The following CDH6 variants were observed in gnomAD, a reference collection of about 807,000 sequenced individuals.
CDH6 encodes the protein cadherin-6.
Under a neutral mutation model 78.0 loss-of-function variants are expected in CDH6, and 31 were observed. The ratio of observed to expected loss-of-function variants is 0.40; its 90% confidence interval spans 0.30 to 0.54. CDH6 has a LOEUF of 0.54. Ranked by LOEUF, CDH6 falls within the 20% of genes least tolerant of loss-of-function variation. The probability of loss-of-function intolerance (pLI) is 0.56; values close to 1 mark genes in which losing one functional copy is unlikely to be tolerated. For missense variants in CDH6, 724 were observed against 975.9 expected (o/e 0.74, Z 3.44); for synonymous variants, 376 against 368.8 (o/e 1.02, Z -0.23).
At chr5:31,297,706 G>A (rs1028597365) in intron 4 of CDH6, among the ~76,000 whole-genome samples, 5 of 152,168 alleles carry the variant, frequency 3.3e-5, no homozygotes, top group Admixed American at 2.0e-4. Context: ...GTATTGGCCT[G>A]TTTACAGATA....
chr5:31,267,293 C>G, intron 1 of CDH6, 53 bp from the exon 2 acceptor site: 1 of 571,254 alleles, frequency 1.8e-6, no homozygotes, highest in Non-Finnish European at 3.1e-6. Context: ...TTTGCTCTAA[C>G]ACTGAATTTT....
intron 2 of CDH6, among the ~76,000 whole-genome samples, chr5:31,287,488 A>C (rs1001032982): frequency 9.2e-5 from 14 of 152,136 alleles, no homozygotes; most frequent in Non-Finnish European, 1.5e-5. Context: ...ACATTATTTT[A>C]TTTATTGTCT....
chr5:31,199,558 A>G (rs932208667), intron 1 of CDH6, among the ~76,000 whole-genome samples: 7 of 147,636 alleles, frequency 4.7e-5, no homozygotes, highest in African/African-American at 9.9e-5. Flanking sequence ...ACATATGTGT[A>G]TATATATGCT....
chr5:31,306,158 T>C (rs1400290123), intron 7 of CDH6, among the ~76,000 whole-genome samples: 1 of 152,178 alleles, frequency 6.6e-6, no homozygotes, highest in Non-Finnish European at 1.5e-5. Flanking sequence ...GAAAAACCTA[T>C]CATGTAACAC....
intron 1 of CDH6, among the ~76,000 whole-genome samples, chr5:31,260,274 A>G (rs1225526179): frequency 6.6e-6 from 1 of 152,216 alleles, no homozygotes; most frequent in African/African-American, 2.4e-5. Context: ...AAACTGAGAC[A>G]CAAATTGGTC....
chr5:31,313,882 C>A (rs1738227178), intron 8 of CDH6, among the ~76,000 whole-genome samples: 1 of 152,028 alleles, frequency 6.6e-6, no homozygotes, highest in African/African-American at 2.4e-5. Context: ...AATTCTCTAG[C>A]TTACTATAGA....
In CDH6 at chr5:31,302,788, GAGAGAGAGAGAGAAAGAAAGAA is replaced by G. The variant is rs1311441235; in HGVS notation, c.999+494_999+515del. 3.8e-3 allele frequency among the ~76,000 whole-genome samples: 298 copies of G among 78,982 alleles called. 2 individuals carry two copies. The highest frequency in any genetic ancestry group is 0.014 in the African/African-American group (271 of 19,470). The allele number at this position is 78,982 out of a possible 152,430, so 51.8% of individuals were successfully genotyped here. On this transcript the variant is annotated intron_variant, in intron 6 of 11. Coordinates refer to ENST00000265071, the MANE Select transcript of CDH6 (RefSeq NM_004932.4). ...AAGAAAGAAAGAAGAAAGAGAGAGA[GAGAGAGAGAGAGAAAGAAAGAA>G]AGAAAGAAAGAAAGAAAGAAAGAAA...
At chr5:31,321,231 C>T (rs1196983881) in intron 11 of CDH6, among the ~76,000 whole-genome samples, 1 of 121,974 alleles carries the variant, frequency 8.2e-6, no homozygotes, top group Non-Finnish European at 1.6e-5. Context: ...TTATCAAATG[C>T]GTGAATGAAT....
chr5:31,254,905 G>A (rs1393557649), intron 1 of CDH6, among the ~76,000 whole-genome samples: 1 of 152,074 alleles, frequency 6.6e-6, no homozygotes, highest in African/African-American at 2.4e-5. Context: ...GGAGAAAGTG[G>A]AGAAACTAAA....
chr5:31,235,236 C>CTTTTTTTTTTTT (rs543675071), intron 1 of CDH6, among the ~76,000 whole-genome samples: 28 of 110,636 alleles, frequency 2.5e-4, no homozygotes, highest in East Asian at 8.3e-4. Flanking sequence ...ATTCCTTTTT[C>CTTTTTTTTTTTT]TTTTTTTTTT....
At chr5:31,206,908 C>T (rs886370704) in intron 1 of CDH6, among the ~76,000 whole-genome samples, 6 of 151,956 alleles carry the variant, frequency 3.9e-5, no homozygotes, top group Admixed American at 1.3e-4. Context: ...AAAAGCTTAA[C>T]ATGGTTTTAT....
intron 7 of CDH6, among the ~76,000 whole-genome samples, chr5:31,311,079 G>A (rs1738137283): frequency 6.6e-6 from 1 of 152,076 alleles, no homozygotes; most frequent in African/African-American, 2.4e-5. Flanking sequence ...TCTACCACAT[G>A]GTCACCATTT....
At chr5:31,199,458 GTATATATACACACACATATGT>G (rs1740267063) in intron 1 of CDH6, among the ~76,000 whole-genome samples, 1 of 23,352 alleles carries the variant, frequency 4.3e-5, no homozygotes, top group Non-Finnish European at 1.3e-4. Context: ...ACACATATGT[GTATATATACACACACATATGT>G]GTATATATGT....
At chr5:31,218,400 A>T (rs1740922909) in intron 1 of CDH6, among the ~76,000 whole-genome samples, 1 of 152,182 alleles carries the variant, frequency 6.6e-6, no homozygotes, top group Non-Finnish European at 1.5e-5. Context: ...CAGCAATTTC[A>T]TCCATTTAAC....
At position 31,313,324 on chromosome 5, in the gene CDH6, T is replaced by A; in HGVS notation, c.1260T>A (p.Ser420=). The change falls in exon 8 of 12, where the codon TCT becomes TCA. Residue 420 remains serine (S), a synonymous_variant. Transcript: ENST00000265071. The part of the protein sequence containing the change: ...PDAARNPVKY[S]VDRHTDMDRI... ...TTCCACTCTGCATTTTCAGGTACTC[T>A]GTAGATCGACACACAGATATGGACA... 6.2e-7 allele frequency: 1 copy of A among 1,613,132 alleles called. No individual in the cohort carries two copies. The highest frequency in any genetic ancestry group is 8.5e-7 in the Non-Finnish European group (1 of 1,179,200).
chr5:31,292,826 T>TATATATATATATGTGTGC (rs1554009176), intron 2 of CDH6, among the ~76,000 whole-genome samples: 24 of 67,366 alleles, frequency 3.6e-4, no homozygotes, highest in East Asian at 1.6e-3. Context: ...TGTGTGCATA[T>TATATATATATATGTGTGC]ATATATATAT....
At chr5:31,295,887 C>A (rs1037618840) in intron 3 of CDH6, among the ~76,000 whole-genome samples, 2 of 152,140 alleles carry the variant, frequency 1.3e-5, no homozygotes, top group Admixed American at 6.6e-5. Context: ...AACGAATAGA[C>A]ATTTAAAATG....
chr5:31,315,998 C>A (rs192493551), intron 8 of CDH6, among the ~76,000 whole-genome samples: 1 of 152,050 alleles, frequency 6.6e-6, no homozygotes, highest in Admixed American at 6.6e-5. Flanking sequence ...GCTTTGTCAC[C>A]CATGTATCTC....
intron 2 of CDH6, among the ~76,000 whole-genome samples, chr5:31,283,027 A>T (rs898381948): frequency 6.6e-6 from 1 of 152,152 alleles, no homozygotes; most frequent in African/African-American, 2.4e-5. Flanking sequence ...ATGGAAGGAA[A>T]AAGAGAGAGA....
Sources: gnomAD v4.1 joint callset for allele counts (sites outside exome capture counted in the v4.1 genomes callset) on GRCh38, gnomAD v4.1.1 for gene constraint, MANE v1.5 for transcripts, NCBI Gene and HGNC (gene_info 2026-07-23, HGNC 2026-07-21) for gene names.